The following ABCB1 variants were observed in gnomAD, a reference collection of about 807,000 sequenced individuals.
ABCB1 encodes the protein ATP-dependent translocase ABCB1.
In ABCB1, 69 loss-of-function variants were observed where a neutral mutation model predicts 142.0. That is an observed-to-expected ratio of 0.49 (90% CI 0.40 to 0.59). The LOEUF is 0.59. Among genes scored for constraint, ABCB1 ranks in the 20% least tolerant of loss-of-function variants. The probability of loss-of-function intolerance (pLI) is 0.00; values close to 1 mark genes in which losing one functional copy is unlikely to be tolerated. For synonymous variants in ABCB1, 532 were observed against 539.2 expected, an observed-to-expected ratio of 0.99 and a Z score of 0.18; for missense variants, 1,326 against 1,554.7, an observed-to-expected ratio of 0.85 and a Z score of 2.47.
chr7:87,638,924 G>A (rs979425383), intron 1 of ABCB1, among the ~76,000 whole-genome samples: 9 of 152,008 alleles, frequency 5.9e-5, no homozygotes, highest in Admixed American at 2.6e-4. Flanking sequence ...AGGCCAAGGC[G>A]GGTGGATCAC....
At chr7:87,675,915 C>G (rs560606971) in intron 1 of ABCB1, among the ~76,000 whole-genome samples, 1 of 152,140 alleles carries the variant, frequency 6.6e-6, no homozygotes, top group Non-Finnish European at 1.5e-5. Context: ...AGTGGAACGA[C>G]ATTAAACTGA....
At chr7:87,711,093 G>A (rs916107816) in intron 1 of ABCB1, among the ~76,000 whole-genome samples, 5 of 151,988 alleles carry the variant, frequency 3.3e-5, no homozygotes, top group African/African-American at 7.2e-5. Context: ...TTGGGAGGCC[G>A]AGGCTGGCAG....
intron 1 of ABCB1, among the ~76,000 whole-genome samples, chr7:87,649,885 C>G (rs756562819): frequency 6.6e-6 from 1 of 152,162 alleles, no homozygotes; most frequent in Non-Finnish European, 1.5e-5. Flanking sequence ...CCTACACATG[C>G]TCTCTTGCGT....
Position 87,503,990 on chromosome 7 carries a change from A to C in ABCB1, c.*253T>G, listed in dbSNP as rs1357449216. The C allele has an allele frequency of 1.8e-6, 1 of 545,610 alleles. No individual in the cohort carries two copies. Among genetic ancestry groups the C allele is most frequent in the African/African-American group, 1.9e-5 (1 of 52,964 alleles). The allele number at this position is 545,610 out of a possible 1,614,324, so 33.8% of individuals were successfully genotyped here. A position where few individuals can be genotyped will look rare whatever the true frequency, so the allele number is the denominator to read the frequency against. On this transcript the variant is annotated 3_prime_UTR_variant, in exon 28 of 28. Coordinates refer to ENST00000622132, the MANE Select transcript of ABCB1 (RefSeq NM_001348946.2). ...TGGGAAAATATAAACAAAATTACAC[A>C]TTTTATCTTTTAAAATCTACTTTAA... is the stretch of plus-strand genomic sequence containing the variant.
chr7:87,686,448 A>G (rs1428355399), intron 1 of ABCB1, among the ~76,000 whole-genome samples: 2 of 152,200 alleles, frequency 1.3e-5, no homozygotes, highest in East Asian at 3.8e-4. Flanking sequence ...AAGTACCTCA[A>G]ATGAAAATTA....
intron 5 of ABCB1, among the ~76,000 whole-genome samples, chr7:87,569,313 A>G (rs2129829227): frequency 7.4e-6 from 1 of 134,408 alleles, no homozygotes; most frequent in African/African-American, 2.9e-5. Context: ...AGCCTGGGGG[A>G]CAGAGTGACA....
intron 3 of ABCB1, among the ~76,000 whole-genome samples, chr7:87,593,697 G>C (rs888355258): frequency 2.6e-5 from 4 of 152,204 alleles, no homozygotes; most frequent in Middle Eastern, 3.2e-3. Flanking sequence ...TACATGATCA[G>C]TTCCTAATAA....
At chr7:87,579,197 A>G (rs1485501784) in intron 4 of ABCB1, among the ~76,000 whole-genome samples, 1 of 152,100 alleles carries the variant, frequency 6.6e-6, no homozygotes, top group Non-Finnish European at 1.5e-5. Context: ...TTCCTTTCCA[A>G]TTCAGATGCC....
At chr7:87,608,273 C>T (rs909745791) in intron 1 of ABCB1, among the ~76,000 whole-genome samples, 1 of 152,132 alleles carries the variant, frequency 6.6e-6, no homozygotes, top group Non-Finnish European at 1.5e-5. Flanking sequence ...TAAAATAAGA[C>T]AGTGAGTGTA....
At chr7:87,618,095 C>T (rs1820086951) in intron 1 of ABCB1, among the ~76,000 whole-genome samples, 2 of 152,170 alleles carry the variant, frequency 1.3e-5, no homozygotes, top group Admixed American at 6.5e-5. Context: ...CCTTCCCTGG[C>T]ACCCTTGCAG....
intron 26 of ABCB1, among the ~76,000 whole-genome samples, chr7:87,508,238 A>T (rs1030424590): frequency 6.6e-6 from 1 of 152,252 alleles, no homozygotes; most frequent in African/African-American, 2.4e-5. Context: ...GAGCACCAAC[A>T]TGATGCCACA....
At chr7:87,580,395 T>C (rs1298356348) in intron 4 of ABCB1, among the ~76,000 whole-genome samples, 1 of 152,232 alleles carries the variant, frequency 6.6e-6, no homozygotes. Context: ...ACCTGTAAAG[T>C]TTCCACTGAG....
intron 3 of ABCB1, among the ~76,000 whole-genome samples, chr7:87,587,277 A>G (rs2129934917): frequency 6.6e-6 from 1 of 152,290 alleles, no homozygotes; most frequent in South Asian, 2.1e-4. Flanking sequence ...TTCTCCCATC[A>G]CCACCAACAC....
intron 1 of ABCB1, among the ~76,000 whole-genome samples, chr7:87,688,638 A>G (rs1201116222): frequency 7.9e-5 from 12 of 151,780 alleles, no homozygotes; most frequent in Admixed American, 3.3e-4. Context: ...GTAGTTTGTT[A>G]TTTTGTACTT....
At chr7:87,529,622 G>T (rs1038788361) in intron 21 of ABCB1, among the ~76,000 whole-genome samples, 14 of 152,204 alleles carry the variant, frequency 9.2e-5, no homozygotes, top group African/African-American at 3.4e-4. Flanking sequence ...GCATGAATTA[G>T]CTTAGGATCA....
chr7:87,708,996 A>T (rs1435891304), intron 1 of ABCB1, among the ~76,000 whole-genome samples: 1 of 152,128 alleles, frequency 6.6e-6, no homozygotes, highest in Non-Finnish European at 1.5e-5. Context: ...TCCTTAATCT[A>T]GTTTTTAAGT....
chr7:87,511,498 T>A (rs916126374), intron 25 of ABCB1, among the ~76,000 whole-genome samples: 2 of 152,198 alleles, frequency 1.3e-5, no homozygotes, highest in Non-Finnish European at 2.9e-5. Context: ...TGTGAAATAA[T>A]AATTGATTTT....
intron 22 of ABCB1, among the ~76,000 whole-genome samples, chr7:87,520,495 G>A (rs1412591764): frequency 6.6e-6 from 1 of 152,120 alleles, no homozygotes; most frequent in Non-Finnish European, 1.5e-5. Context: ...AAATTATAGG[G>A]TCATATCCTA....
intron 20 of ABCB1, among the ~76,000 whole-genome samples, chr7:87,532,052 T>C (rs889802028): frequency 3.9e-5 from 6 of 152,178 alleles, no homozygotes; most frequent in Non-Finnish European, 8.8e-5. Context: ...CTTTCACTAG[T>C]GTGCACTGAG....
Sources: gnomAD v4.1 joint callset for allele counts (sites outside exome capture counted in the v4.1 genomes callset) on GRCh38, gnomAD v4.1.1 for gene constraint, MANE v1.5 for transcripts, NCBI Gene and HGNC (gene_info 2026-07-23, HGNC 2026-07-21) for gene names.